Variants in CACNA2D3 observed in about 807,000 individuals in gnomAD.
CACNA2D3 encodes the protein calcium voltage-gated channel auxiliary subunit alpha2delta 3.
Under a neutral mutation model 160.6 loss-of-function variants are expected in CACNA2D3, and 60 were observed. The ratio of observed to expected loss-of-function variants is 0.37; its 90% CI spans 0.30 to 0.46. The LOEUF is 0.46. Among genes scored for constraint, CACNA2D3 ranks in the 20% least tolerant of loss-of-function variants. The probability of loss-of-function intolerance (pLI) is 1.00; values close to 1 mark genes in which losing one functional copy is unlikely to be tolerated. For synonymous variants in CACNA2D3, 558 were observed against 492.9 expected (o/e 1.13, Z -1.75); for missense variants, 1,205 against 1,365.0 (o/e 0.88, Z 1.85).
chr3:54,718,489 C>G (rs2106981322), intron 11 of CACNA2D3, among the ~76,000 whole-genome samples: 1 of 151,936 alleles, frequency 6.6e-6, no homozygotes. Flanking sequence ...TATAGTAGTA[C>G]TTTTTAAAAA....
At chr3:54,889,752 C>G (rs1279987614) in intron 24 of CACNA2D3, among the ~76,000 whole-genome samples, 2 of 152,176 alleles carry the variant, frequency 1.3e-5, no homozygotes, top group African/African-American at 4.8e-5. Context: ...TGCTTGCCTT[C>G]ATGGCATGGA....
At chr3:54,996,066 C>G (rs1454402991) in intron 31 of CACNA2D3, among the ~76,000 whole-genome samples, 1 of 152,346 alleles carries the variant, frequency 6.6e-6, no homozygotes, top group East Asian at 1.9e-4. Context: ...ATAATCATAA[C>G]AGCAGCAATA....
At chr3:54,807,647 C>G (rs879419133) in intron 13 of CACNA2D3, among the ~76,000 whole-genome samples, 12 of 151,456 alleles carry the variant, frequency 7.9e-5, no homozygotes, top group Non-Finnish European at 1.8e-4. Context: ...GTCAGTGTGG[C>G]GATTCCTCAG....
chr3:54,891,042 A>G (rs926169736), intron 24 of CACNA2D3, among the ~76,000 whole-genome samples: 3 of 152,174 alleles, frequency 2.0e-5, no homozygotes. Flanking sequence ...TGCACCCAGA[A>G]CCTTGAAATA....
intron 13 of CACNA2D3, among the ~76,000 whole-genome samples, chr3:54,812,299 G>T (rs1703338004): frequency 6.6e-6 from 1 of 152,178 alleles, no homozygotes; most frequent in Non-Finnish European, 1.5e-5. Context: ...AAAGCAGCAT[G>T]GCAATAACTT....
intron 3 of CACNA2D3, among the ~76,000 whole-genome samples, chr3:54,376,295 T>A (rs1699011631): frequency 6.6e-6 from 1 of 152,232 alleles, no homozygotes; most frequent in African/African-American, 2.4e-5. Flanking sequence ...CCTCTCTCAG[T>A]CACCTGGCTA....
intron 9 of CACNA2D3, among the ~76,000 whole-genome samples, chr3:54,600,944 T>C (rs1009060509): frequency 2.0e-5 from 3 of 152,170 alleles, no homozygotes; most frequent in South Asian, 2.1e-4. Flanking sequence ...AGATATCAGA[T>C]GTTTTGTTTT....
At chr3:54,531,501 A>C (rs1386946978) in intron 5 of CACNA2D3, among the ~76,000 whole-genome samples, 1 of 152,230 alleles carries the variant, frequency 6.6e-6, no homozygotes, top group Non-Finnish European at 1.5e-5. Flanking sequence ...TTGTGCAAGC[A>C]GAACTTTTGA....
chr3:55,052,077 T>C (rs571849432), intron 35 of CACNA2D3, among the ~76,000 whole-genome samples: 2 of 152,258 alleles, frequency 1.3e-5, no homozygotes, highest in South Asian at 4.1e-4. Context: ...CGTTGCTCAC[T>C]CTGGGAGCTG....
At chr3:54,645,140 A>G (rs1386389479) in intron 11 of CACNA2D3, among the ~76,000 whole-genome samples, 1 of 152,200 alleles carries the variant, frequency 6.6e-6, no homozygotes, top group Non-Finnish European at 1.5e-5. Context: ...CAGGAAACTT[A>G]CAATCATGGC....
At chr3:54,525,549 A>G (rs944630014) in intron 5 of CACNA2D3, among the ~76,000 whole-genome samples, 10 of 152,192 alleles carry the variant, frequency 6.6e-5, no homozygotes, top group African/African-American at 2.2e-4. Context: ...ATCTGTTAAT[A>G]TCTTTATTCT....
At chr3:54,657,814 A>G (rs565904180) in intron 11 of CACNA2D3, among the ~76,000 whole-genome samples, 1 of 152,220 alleles carries the variant, frequency 6.6e-6, no homozygotes, top group East Asian at 1.9e-4. Flanking sequence ...GGATCATTTG[A>G]GGTCAGGAGT....
At chr3:54,333,390 G>A (rs117322083) in intron 3 of CACNA2D3, among the ~76,000 whole-genome samples, 1 of 151,980 alleles carries the variant, frequency 6.6e-6, no homozygotes, top group African/African-American at 2.4e-5. Context: ...CTCATTGGCC[G>A]CCTCCCTTTC....
At chr3:54,436,139 G>A (rs1481375659) in intron 4 of CACNA2D3, among the ~76,000 whole-genome samples, 1 of 151,920 alleles carries the variant, frequency 6.6e-6, no homozygotes, top group Non-Finnish European at 1.5e-5. Flanking sequence ...AGAAGAGAAT[G>A]AGACCAAAAA....
intron 13 of CACNA2D3, among the ~76,000 whole-genome samples, chr3:54,815,440 T>C (rs1000007515): frequency 5.3e-5 from 8 of 152,188 alleles, no homozygotes; most frequent in African/African-American, 1.9e-4. Flanking sequence ...TGGTCTTCTT[T>C]TATCAGAAGA....
At chr3:55,026,733 G>C (rs941719305) in intron 35 of CACNA2D3, among the ~76,000 whole-genome samples, 3 of 152,070 alleles carry the variant, frequency 2.0e-5, no homozygotes, top group African/African-American at 7.2e-5. Context: ...AGGGGACAAG[G>C]GCTGATCAAG....
chr3:55,034,637 T>G (rs1280087642), intron 35 of CACNA2D3, among the ~76,000 whole-genome samples: 1 of 151,700 alleles, frequency 6.6e-6, no homozygotes, highest in Non-Finnish European at 1.5e-5. Flanking sequence ...TGCTTTCTGG[T>G]TTTTTTTCAA....
chr3:54,557,705 TA>T (rs1178560856), intron 5 of CACNA2D3, among the ~76,000 whole-genome samples: 1 of 152,170 alleles, frequency 6.6e-6, no homozygotes, highest in African/African-American at 2.4e-5. Context: ...GTTTTGCCGC[TA>T]GGGGTGAGTC....
chr3:54,839,273 A>T (rs141848346), intron 16 of CACNA2D3, among the ~76,000 whole-genome samples: 1 of 152,248 alleles, frequency 6.6e-6, no homozygotes, highest in African/African-American at 2.4e-5. Context: ...ATAAAAAAAA[A>T]ATAGTCCGGA....
Sources: allele counts gnomAD v4.1 joint callset (sites outside exome capture counted in the v4.1 genomes callset), GRCh38; gene constraint gnomAD v4.1.1; transcripts MANE v1.5; gene names NCBI Gene and HGNC (gene_info 2026-07-23, HGNC 2026-07-21).